NOSIP: variants seen among roughly 807,000 people sequenced by gnomAD.
The protein encoded by NOSIP is nitric oxide synthase interacting protein, also known as nitric oxide synthase-interacting protein.
Under a neutral mutation model 36.4 loss-of-function variants are expected in NOSIP, and 25 were observed. That is an observed-to-expected ratio of 0.69 (90% CI 0.50 to 0.96). The LOEUF is 0.96. NOSIP is among the 40% of genes least tolerant of loss of function. The pLI is 0.00. For missense variants in NOSIP, 370 were observed against 429.0 expected, an observed-to-expected ratio of 0.86 and a Z score of 1.21; for synonymous variants, 187 against 179.2, an observed-to-expected ratio of 1.04 and a Z score of -0.35.
At chr19:49,564,467 A>T (rs192211350) in intron 1 of NOSIP, among the ~76,000 whole-genome samples, 4 of 151,464 alleles carry the variant, frequency 2.6e-5, no homozygotes, top group African/African-American at 9.7e-5. Flanking sequence ...AAAAAAAAAA[A>T]AAAAAAAAAC....
chr19:49,556,681 G>A lies in NOSIP; in HGVS notation c.593C>T (p.Thr198Met). ...GTCTAGCGGTGTGAAGTGCACGGGC[G>A]TCAGGTCCGACATGCGCAGGGGCTT... ...SGKPLRMSDL[T>M]PVHFTPLDSS... is the part of the protein sequence containing the mutation. The change falls in exon 7 of 9, where the codon ACG becomes ATG. Residue 198 changes from threonine to methionine, a missense_variant. This residue lies in a region of NOSIP where 315 missense variants were observed against 331.9 expected (regional missense o/e 0.95). Coordinates refer to ENST00000596358, the MANE Select transcript of NOSIP (RefSeq NM_001270960.2). 4 of 1,611,512 alleles carry A rather than the reference G, an allele frequency of 2.5e-6. No individual in the cohort carries two copies. The highest frequency in any genetic ancestry group is 2.2e-5 in the East Asian group (1 of 44,782).
At position 49,556,704 on chromosome 19, in the gene NOSIP, C is replaced by T. The variant is rs372106102; in HGVS notation, c.570G>A (p.Lys190=). The T allele has an allele frequency of 1.1e-5, 18 of 1,609,444 alleles. No homozygotes were observed. The African/African-American group carries it at 2.3e-4, about 20-fold the overall frequency. ...SRTVTCPMSG[K]PLRMSDLTPV... ...GCGTCAGGTCCGACATGCGCAGGGG[C>T]TTCCCTGACATGGGGCAGGTCACCG... Residue 190 remains lysine, a synonymous_variant, in exon 7 of 9, where the codon AAG becomes AAA. Transcript: ENST00000596358.
chr19:49,567,122 CTT>C (rs1234750784), intron 1 of NOSIP, among the ~76,000 whole-genome samples: 10 of 108,286 alleles, frequency 9.2e-5, no homozygotes, highest in African/African-American at 1.0e-4. Flanking sequence ...AGCCAAAAAA[CTT>C]TTTTTTTTTT....
intron 1 of NOSIP, among the ~76,000 whole-genome samples, chr19:49,565,047 A>G (rs1219422265): frequency 6.6e-6 from 1 of 152,160 alleles, no homozygotes; most frequent in Non-Finnish European, 1.5e-5. Flanking sequence ...AGGCCAAGGC[A>G]GGAGGATTGT....
chr19:49,573,872 T>C (rs1281753195), intron 1 of NOSIP, among the ~76,000 whole-genome samples: 2 of 150,958 alleles, frequency 1.3e-5, no homozygotes, highest in Non-Finnish European at 3.0e-5. Context: ...TTTTTTTTTT[T>C]TTTTGGAGAC....
chr19:49,556,867 G>T lies in NOSIP; in HGVS notation c.537+8C>A, dbSNP rs770273311. ...CACCGTGCGTGCCGGGGCGCTGTGGGGGCTCACCGGCTTCTCCAGCTTGGT... is the reference window on the plus strand; with the variant it reads ...CACCGTGCGTGCCGGGGCGCTGTGGTGGCTCACCGGCTTCTCCAGCTTGGT... On this transcript the variant is annotated splice_region_variant and intron_variant, in intron 6 of 8. Coordinates refer to ENST00000596358, the MANE Select transcript of NOSIP (RefSeq NM_001270960.2). 2 of 1,610,262 alleles carry T rather than the reference G, an allele frequency of 1.2e-6. No homozygotes were observed. The highest frequency in any genetic ancestry group is 1.7e-6 in the Non-Finnish European group (2 of 1,177,014).
At chr19:49,561,869 G>A (rs1037491867) in intron 1 of NOSIP, among the ~76,000 whole-genome samples, 5 of 149,934 alleles carry the variant, frequency 3.3e-5, no homozygotes, top group African/African-American at 1.2e-4. Context: ...GACAGAGCAA[G>A]GCTCTGTCAC....
intron 1 of NOSIP, among the ~76,000 whole-genome samples, chr19:49,572,711 C>T (rs1469417591): frequency 3.3e-5 from 5 of 151,890 alleles, no homozygotes; most frequent in Admixed American, 1.3e-4. Flanking sequence ...CAGTGGCTCA[C>T]GCCTGTAATC....
At chr19:49,576,683 G>A (rs1169826140) in intron 1 of NOSIP, among the ~76,000 whole-genome samples, 8 of 151,348 alleles carry the variant, frequency 5.3e-5, no homozygotes, top group South Asian at 2.1e-4. Context: ...TTGGGAATTC[G>A]AGACCAGCCT....
chr19:49,563,740 C>G (rs1448677638), intron 1 of NOSIP, among the ~76,000 whole-genome samples: 1 of 150,508 alleles, frequency 6.6e-6, no homozygotes, highest in Non-Finnish European at 1.5e-5. Flanking sequence ...GGTGATCCAC[C>G]CGCCTCGGCC....
chr19:49,575,816 G>A (rs564523585), intron 1 of NOSIP, among the ~76,000 whole-genome samples: 1 of 152,110 alleles, frequency 6.6e-6, no homozygotes, highest in Admixed American at 6.6e-5. Flanking sequence ...CATTCTTTTG[G>A]TTTTTTCCAG....
intron 1 of NOSIP, among the ~76,000 whole-genome samples, chr19:49,571,713 A>T (rs1371703062): frequency 6.6e-6 from 1 of 152,154 alleles, no homozygotes; most frequent in African/African-American, 2.4e-5. Context: ...CAGGCTGGCC[A>T]CGGTGGCTTA....
chr19:49,579,677 C>T (rs1007906592), intron 1 of NOSIP, among the ~76,000 whole-genome samples: 2 of 152,092 alleles, frequency 1.3e-5, no homozygotes, highest in Non-Finnish European at 2.9e-5. Context: ...TGTAGATTCA[C>T]GAATAAATGC....
chr19:49,575,730 A>G (rs1002487699), intron 1 of NOSIP, among the ~76,000 whole-genome samples: 4 of 152,212 alleles, frequency 2.6e-5, no homozygotes, highest in East Asian at 1.9e-4. Context: ...ACAAACGGGC[A>G]TGGCTGTGTT....
intron 4 of NOSIP, chr19:49,558,640 A>C (rs2080289824): frequency 2.1e-6 from 1 of 483,626 alleles, no homozygotes; most frequent in Admixed American, 3.3e-5. Flanking sequence ...CATGTGTCAG[A>C]CAGCCACATG....
In NOSIP at chr19:49,557,247, G is replaced by A; in HGVS notation, c.261C>T (p.Ala87=). ...QKKEIARQMK[A]YEKQRGTRRE... ...GCCGGGTGCCCCGCTGCTTCTCGTA[G>A]GCCTGCGTCGGGGAAAGTGGGCTGA... Residue 87 remains alanine (A), a splice_region_variant and synonymous_variant, in exon 5 of 9, where the codon GCC becomes GCT. Transcript: ENST00000596358. 6.3e-7 allele frequency: 1 copy of A among 1,580,338 alleles called. No individual in the cohort carries two copies. The highest frequency in any genetic ancestry group is 8.6e-7 in the Non-Finnish European group (1 of 1,164,290).
At position 49,566,018 on chromosome 19, in the gene NOSIP, TTTC is replaced by T. The variant is rs531756027; in HGVS notation, c.-1-5329_-1-5327del. Among the ~76,000 whole-genome samples, 403 of 150,642 alleles carry T rather than the reference TTTC, an allele frequency of 2.7e-3. 3 individuals carry two copies. The highest frequency in any genetic ancestry group is 9.0e-3 in the African/African-American group (363 of 40,556). On this transcript the variant is annotated intron_variant, in intron 1 of 8. Transcript: ENST00000596358. ...ATAAATTCTTTTTTTCTTTCTTTCTTTTCTTCTTCTTTTTTTTTTTTGAGACAG... is the reference window on the plus strand; with the variant it reads ...ATAAATTCTTTTTTTCTTTCTTTCTTTTCTTCTTTTTTTTTTTTGAGACAG...
Position 49,567,838 on chromosome 19 carries a change from ATTTTTTTGCATTT to A in NOSIP, c.-1-7159_-1-7147del, listed in dbSNP as rs552475202. Among the ~76,000 whole-genome samples the A allele has an allele frequency of 2.8e-4, 42 of 151,284 alleles. No homozygotes were observed. The East Asian group carries it at 5.6e-3, about 20-fold the overall frequency. On this transcript the variant is annotated intron_variant, in intron 1 of 8. Transcript: ENST00000596358. ...AGGTGTCTGCCACCAGGCCCGGCTA[ATTTTTTTGCATTT>A]TTTTTTTAGTAGAGACAGGGTTCAC...
chr19:49,559,720 C>G, intron 3 of NOSIP: 2 of 578,152 alleles, frequency 3.5e-6, no homozygotes, highest in Admixed American at 5.5e-5. Flanking sequence ...CCCTACACCC[C>G]ATTAGAAGTA....
Sources: allele counts gnomAD v4.1 joint callset (sites outside exome capture counted in the v4.1 genomes callset), GRCh38; gene constraint gnomAD v4.1.1; regional missense constraint gnomAD v4.1.1; transcripts MANE v1.5; gene names NCBI Gene and HGNC (gene_info 2026-07-23, HGNC 2026-07-21).